The following OR7E24 variants were observed in gnomAD, a reference collection of about 807,000 sequenced individuals.
The protein encoded by OR7E24 is olfactory receptor 7E24.
For synonymous variants in OR7E24, 130 were observed against 157.5 expected, an observed-to-expected ratio of 0.83 and a Z score of 1.31; for missense variants, 385 against 410.3, an observed-to-expected ratio of 0.94 and a Z score of 0.53.
rs757455687 is a variant in OR7E24, at chr19:9,250,959, G to A, written c.-85G>A. 3.2e-5 allele frequency: 31 copies of A among 981,978 alleles called. No individual in the cohort carries two copies. The highest frequency in any genetic ancestry group is 5.7e-5 in the Admixed American group (2 of 34,858). 60.8% of individuals were successfully genotyped at this position (981,978 alleles called of 1,614,324 possible). ...TTTGTCACAACTGAGAACTATTGCTGAGGGTGTATAATCCTATGTGAAAAC... is the reference window on the plus strand; with the variant it reads ...TTTGTCACAACTGAGAACTATTGCTAAGGGTGTATAATCCTATGTGAAAAC... On this transcript the variant is annotated 5_prime_UTR_variant, in exon 1 of 1. Coordinates refer to ENST00000456448, the MANE Select transcript of OR7E24 (RefSeq NM_001079935.2).
the OR7E24 span, chr19:9,212,617 T>C: frequency 6.6e-6 from 1 of 152,332 alleles, no homozygotes; most frequent in South Asian, 2.1e-4. Flanking sequence ...TGTGGGCTTA[T>C]AGGGCTTGTA....
chr19:9,250,951 C>T lies in OR7E24; in HGVS notation c.-93C>T. Reference sequence around the variant, plus strand: ...AAATTGGGTTTGTCACAACTGAGAACTATTGCTGAGGGTGTATAATCCTAT... The same window carrying T: ...AAATTGGGTTTGTCACAACTGAGAATTATTGCTGAGGGTGTATAATCCTAT... On this transcript the variant is annotated 5_prime_UTR_variant, in exon 1 of 1. Coordinates refer to ENST00000456448, the MANE Select transcript of OR7E24 (RefSeq NM_001079935.2). The T allele has an allele frequency of 2.1e-6, 2 of 930,302 alleles. No homozygotes were observed. Among genetic ancestry groups the T allele is most frequent in the African/African-American group, 1.7e-5 (1 of 59,700 alleles). 57.6% of individuals were successfully genotyped at this position (930,302 alleles called of 1,614,324 possible).
chr19:9,241,746 A>G, the OR7E24 span, among the ~76,000 whole-genome samples: 1 of 152,236 alleles, frequency 6.6e-6, no homozygotes. Flanking sequence ...CCTGGGCGAC[A>G]GAGTGAGACT....
chr19:9,227,546 G>A, the OR7E24 span, among the ~76,000 whole-genome samples: 1 of 151,776 alleles, frequency 6.6e-6, no homozygotes, highest in African/African-American at 2.4e-5. Context: ...TCTTTTTTAT[G>A]GCTGCATAGT....
upstream of OR7E24, among the ~76,000 whole-genome samples, chr19:9,248,805 C>T (rs1227919089): frequency 2.6e-5 from 4 of 152,194 alleles, no homozygotes; most frequent in Non-Finnish European, 1.5e-5. Flanking sequence ...GCTTCAGATG[C>T]ACCTGTGCTT....
Position 9,252,115 on chromosome 19 carries a change from A to T in OR7E24, c.*52A>T. The T allele has an allele frequency of 6.6e-7, 1 of 1,507,448 alleles. No homozygotes were observed. Among genetic ancestry groups the T allele is most frequent in the Non-Finnish European group, 9.0e-7 (1 of 1,110,600 alleles). 93.4% of individuals were successfully genotyped at this position (1,507,448 alleles called of 1,614,324 possible). ...GCCTGCAAATTCTGCCTCCTTGGTC[A>T]CATTATTTTGGTTGCTTGATGGCTT... On this transcript the variant is annotated 3_prime_UTR_variant, in exon 1 of 1. Transcript: ENST00000456448.
the OR7E24 span, among the ~76,000 whole-genome samples, chr19:9,225,981 GGCT>G: frequency 1.3e-5 from 2 of 152,116 alleles, no homozygotes; most frequent in African/African-American, 4.8e-5. Flanking sequence ...CTTGCTCCTG[GGCT>G]GCTCCCATCA....
At chr19:9,207,917 G>C in the OR7E24 span, 1 of 152,082 alleles carries the variant, frequency 6.6e-6, no homozygotes, top group Non-Finnish European at 1.5e-5. Flanking sequence ...TTCAGTTACT[G>C]TCTCTGTTAC....
chr19:9,250,943 A>G lies in OR7E24; in HGVS notation c.-101A>G, dbSNP rs1020083224. 1.1e-6 allele frequency: 1 copy of G among 880,282 alleles called. No individual in the cohort carries two copies. Among genetic ancestry groups the G allele is most frequent in the East Asian group, 2.7e-5 (1 of 37,468 alleles). 54.5% of individuals were successfully genotyped at this position (880,282 alleles called of 1,614,324 possible). Reference sequence around the variant, plus strand: ...CTCTAAGGAAATTGGGTTTGTCACAACTGAGAACTATTGCTGAGGGTGTAT... The same window carrying G: ...CTCTAAGGAAATTGGGTTTGTCACAGCTGAGAACTATTGCTGAGGGTGTAT... On this transcript the variant is annotated 5_prime_UTR_variant, in exon 1 of 1. Coordinates refer to ENST00000456448, the MANE Select transcript of OR7E24 (RefSeq NM_001079935.2).
upstream of OR7E24, among the ~76,000 whole-genome samples, chr19:9,247,050 AAC>A (rs1165769768): frequency 1.3e-5 from 2 of 152,228 alleles, no homozygotes; most frequent in Non-Finnish European, 2.9e-5. Context: ...GTATAATTTT[AAC>A]ATTTATATGC....
chr19:9,244,534 T>C (rs1033269590), upstream of OR7E24, among the ~76,000 whole-genome samples: 7 of 152,206 alleles, frequency 4.6e-5, no homozygotes, highest in African/African-American at 1.7e-4. Flanking sequence ...CCTTACACCA[T>C]ATGCAAAAGT....
the OR7E24 span, among the ~76,000 whole-genome samples, chr19:9,234,832 G>A: frequency 1.3e-5 from 2 of 152,208 alleles, no homozygotes; most frequent in African/African-American, 4.8e-5. Context: ...TTAGCATGAA[G>A]GAACTATGGA....
the OR7E24 span, among the ~76,000 whole-genome samples, chr19:9,223,238 C>G: frequency 6.6e-6 from 1 of 152,162 alleles, no homozygotes; most frequent in African/African-American, 2.4e-5. Context: ...GGGTGTTCTG[C>G]TATTGTCTCT....
chr19:9,225,469 GGAAGGAAGGAAA>G, the OR7E24 span, among the ~76,000 whole-genome samples: 12 of 150,432 alleles, frequency 8.0e-5, no homozygotes, highest in Non-Finnish European at 1.8e-4. Flanking sequence ...AGGGAGGGAA[GGAAGGAAGGAAA>G]GAAGGAAGGA....
chr19:9,229,313 G>T, the OR7E24 span, among the ~76,000 whole-genome samples: 2 of 151,724 alleles, frequency 1.3e-5, no homozygotes, highest in African/African-American at 2.4e-5. Flanking sequence ...GTGGATCACC[G>T]GAGGTCAGGA....
chr19:9,222,045 G>A, the OR7E24 span, among the ~76,000 whole-genome samples: 1 of 152,184 alleles, frequency 6.6e-6, no homozygotes, highest in African/African-American at 2.4e-5. Flanking sequence ...TGGATATCCA[G>A]TTTTCCCAAC....
chr19:9,213,427 T>TA, the OR7E24 span: 2,256 of 145,290 alleles, frequency 0.016, 56 homozygotes, highest in African/African-American at 0.05. Context: ...TGTTTTTGAT[T>TA]AAAAAAAAAA....
the OR7E24 span, among the ~76,000 whole-genome samples, chr19:9,220,389 C>G: frequency 1.3e-5 from 2 of 152,186 alleles, no homozygotes; most frequent in Admixed American, 1.3e-4. Context: ...AACCAACATT[C>G]TACTTCTTTG....
chr19:9,215,446 A>C, the OR7E24 span, among the ~76,000 whole-genome samples: 1 of 151,954 alleles, frequency 6.6e-6, no homozygotes, highest in Non-Finnish European at 1.5e-5. Context: ...TTTGGTGTGA[A>C]TCTTCCAAAA....
Sources: allele counts gnomAD v4.1 joint callset (sites outside exome capture counted in the v4.1 genomes callset), GRCh38; gene constraint gnomAD v4.1.1; transcripts MANE v1.5; gene names NCBI Gene and HGNC (gene_info 2026-07-23, HGNC 2026-07-21).